The following NMNAT1 variants were observed in gnomAD, a reference collection of about 807,000 sequenced individuals.
NMNAT1 encodes nicotinamide/nicotinic acid mononucleotide adenylyltransferase 1.
NMNAT1 carries 11 observed loss-of-function variants against 16.7 expected under a neutral mutation model. The observed-to-expected ratio is 0.66, with a 90% CI of 0.41 to 1.09. NMNAT1 has a LOEUF of 1.09. Among genes scored for constraint, NMNAT1 ranks in the 50% least tolerant of loss-of-function variants. The pLI, the probability that NMNAT1 is intolerant of heterozygous loss-of-function variation, is 0.00. For missense variants in NMNAT1, 280 were observed against 332.3 expected, an observed-to-expected ratio of 0.84 and a Z score of 1.22; for synonymous variants, 110 against 119.8, an observed-to-expected ratio of 0.92 and a Z score of 0.53.
intron 2 of NMNAT1, 45 bp downstream of exon 2, chr1:9,972,233 G>GCACCCGGCT: frequency 1.0e-6 from 1 of 997,816 alleles, no homozygotes; most frequent in Non-Finnish European, 1.6e-6. Flanking sequence ...AGAACCAGCC[G>GCACCCGGCT]GGTGCAGTGG....
the NMNAT1 span, among the ~76,000 whole-genome samples, chr1:9,996,342 G>A: frequency 7.9e-5 from 12 of 151,422 alleles, no homozygotes; most frequent in East Asian, 1.4e-3. Context: ...AAGAAAGAGT[G>A]AGACTCTGTC....
the NMNAT1 span, among the ~76,000 whole-genome samples, chr1:9,992,490 T>C: frequency 6.6e-6 from 1 of 152,070 alleles, no homozygotes; most frequent in African/African-American, 2.4e-5. Flanking sequence ...GCTTTTCCAA[T>C]GTTAGCAGCA....
At chr1:9,962,863 A>G (rs1641458013) in intron 1 of NMNAT1, among the ~76,000 whole-genome samples, 1 of 151,894 alleles carries the variant, frequency 6.6e-6, no homozygotes, top group Admixed American at 6.6e-5. Flanking sequence ...TTGTATTTTT[A>G]GTAGAGACAG....
intron 1 of NMNAT1, among the ~76,000 whole-genome samples, chr1:9,962,773 C>G (rs1239199661): frequency 6.6e-6 from 1 of 150,474 alleles, no homozygotes; most frequent in Admixed American, 6.6e-5. Flanking sequence ...GCTCCGCCTC[C>G]CGGGTTCACG....
downstream of NMNAT1, chr1:9,985,597 C>T (rs1642034909): frequency 6.6e-6 from 1 of 152,160 alleles, no homozygotes; most frequent in African/African-American, 2.4e-5. Flanking sequence ...GGAACTAGAA[C>T]AGTGGAATCC....
intron 1 of NMNAT1, among the ~76,000 whole-genome samples, chr1:9,962,678 T>TG (rs1491232775): frequency 2.2e-4 from 1 of 4,524 alleles, no homozygotes; most frequent in African/African-American, 3.1e-4. Flanking sequence ...CAAATAAGGG[T>TG]TTTTTTTTTT....
At chr1:9,992,888 G>A in the NMNAT1 span, among the ~76,000 whole-genome samples, 1 of 151,908 alleles carries the variant, frequency 6.6e-6, no homozygotes, top group Non-Finnish European at 1.5e-5. Flanking sequence ...CTCCAGCCTG[G>A]GCAACAAAGC....
chr1:9,953,592 C>T (rs1046139039), intron 1 of NMNAT1, among the ~76,000 whole-genome samples: 22 of 151,866 alleles, frequency 1.4e-4, no homozygotes, highest in African/African-American at 5.1e-4. Flanking sequence ...AGGCGTGTGC[C>T]ACCACGCTCA....
downstream of NMNAT1, among the ~76,000 whole-genome samples, chr1:9,987,732 G>A (rs2101722145): frequency 6.8e-6 from 1 of 146,142 alleles, no homozygotes; most frequent in Middle Eastern, 3.4e-3. Flanking sequence ...GGGAGGCTGA[G>A]GTGAGAAGAT....
chr1:9,969,723 C>T (rs1641645707), intron 1 of NMNAT1, among the ~76,000 whole-genome samples: 1 of 151,918 alleles, frequency 6.6e-6, no homozygotes, highest in Non-Finnish European at 1.5e-5. Context: ...TGCACTCCAG[C>T]CTGGGTGAGA....
chr1:9,958,987 C>T (rs1162481824), intron 1 of NMNAT1, among the ~76,000 whole-genome samples: 1 of 152,178 alleles, frequency 6.6e-6, no homozygotes, highest in African/African-American at 2.4e-5. Flanking sequence ...AATCTACCTA[C>T]CACAACTTGC....
At chr1:9,980,922 C>A in intron 3 of NMNAT1, 109 bp from the exon 4 acceptor site, 1 of 1,234,410 alleles carries the variant, frequency 8.1e-7, no homozygotes, top group Non-Finnish European at 1.1e-6. Context: ...TCCCAAAGTG[C>A]TGGGATTACA....
the NMNAT1 span, among the ~76,000 whole-genome samples, chr1:9,991,664 T>G: frequency 6.6e-6 from 1 of 152,008 alleles, no homozygotes; most frequent in East Asian, 1.9e-4. Context: ...GAGTGGTGAA[T>G]GAAATCAACA....
At chr1:9,950,530 A>C (rs2101640336) in intron 1 of NMNAT1, 1 of 152,430 alleles carries the variant, frequency 6.6e-6, no homozygotes, top group South Asian at 2.1e-4. Context: ...CCAGCCTGGT[A>C]GAGACGAGTA....
chr1:9,978,908 C>T, intron 3 of NMNAT1, among the ~76,000 whole-genome samples: 1 of 152,182 alleles, frequency 6.6e-6, no homozygotes, highest in East Asian at 1.9e-4. Flanking sequence ...AGGACCTTCT[C>T]CTTGGCGTTC....
chr1:9,993,347 C>T, the NMNAT1 span, among the ~76,000 whole-genome samples: 1 of 151,912 alleles, frequency 6.6e-6, no homozygotes, highest in Non-Finnish European at 1.5e-5. Context: ...GGTGTAGTGG[C>T]ATGCGCTTGT....
rs1462280715 is a variant in NMNAT1, at chr1:9,962,565, GAATT to G, written c.-56-9449_-56-9446del. ...AAGCCCCTTGCCATGTTTATCCTCA[GAATT>G]AATCCTCAAAGTAACTGAGATTGGC... On this transcript the variant is annotated intron_variant, in intron 1 of 4. Transcript: ENST00000377205. 1.0e-4 allele frequency among the ~76,000 whole-genome samples: 15 copies of G among 150,338 alleles called. No homozygotes were observed. The Admixed American group carries it at 1.0e-3, about 10-fold the overall frequency.
At chr1:9,994,904 G>A in the NMNAT1 span, among the ~76,000 whole-genome samples, 2 of 151,974 alleles carry the variant, frequency 1.3e-5, no homozygotes, top group Non-Finnish European at 2.9e-5. Flanking sequence ...GAGCCACTGC[G>A]CCTGTCCAAT....
chr1:9,976,123 C>T (rs1364387302), intron 3 of NMNAT1, among the ~76,000 whole-genome samples: 1 of 151,892 alleles, frequency 6.6e-6, no homozygotes, highest in East Asian at 1.9e-4. Flanking sequence ...CCCGTCTCTA[C>T]TAAAAATACA....
Sources: allele counts gnomAD v4.1 joint callset (sites outside exome capture counted in the v4.1 genomes callset), GRCh38; gene constraint gnomAD v4.1.1; transcripts MANE v1.5; gene names NCBI Gene and HGNC (gene_info 2026-07-23, HGNC 2026-07-21).